Variants in RGMA observed in about 807,000 individuals in gnomAD.
RGMA encodes repulsive guidance molecule A.
In RGMA, 10 loss-of-function variants were observed where a neutral mutation model predicts 23.2. The ratio of observed to expected loss-of-function variants is 0.43; its 90% CI spans 0.27 to 0.73. RGMA has a LOEUF of 0.73. RGMA is among the 30% of genes least tolerant of loss of function. The probability of loss-of-function intolerance (pLI) is 0.20; values close to 1 mark genes in which losing one functional copy is unlikely to be tolerated. For missense variants in RGMA, 547 were observed against 630.5 expected, an observed-to-expected ratio of 0.87 and a Z score of 1.42; for synonymous variants, 308 against 279.3, an observed-to-expected ratio of 1.10 and a Z score of -1.03.
chr15:93,076,210 T>C (rs535423121), intron 1 of RGMA, among the ~76,000 whole-genome samples: 1 of 152,252 alleles, frequency 6.6e-6, no homozygotes, highest in South Asian at 2.1e-4. Context: ...CTCTTGCCCC[T>C]TTTCTTCAGC....
At chr15:93,049,583 G>A (rs2054884562) in intron 3 of RGMA, among the ~76,000 whole-genome samples, 1 of 152,208 alleles carries the variant, frequency 6.6e-6, no homozygotes. Context: ...AGAACAGAGG[G>A]ATTGGCTGAT....
chr15:93,042,201 C>G lies in RGMA; in HGVS notation c.*2797G>C, dbSNP rs911532691. The G allele has an allele frequency of 3.3e-5, 5 of 152,264 alleles. No homozygotes were observed. The highest frequency in any genetic ancestry group is 7.2e-5 in the African/African-American group (3 of 41,440). 9.4% of individuals were successfully genotyped at this position (152,264 alleles called of 1,614,324 possible). ...AAATAAAGTTCTCCTTTTTCTTCAG[C>G]CTTCCTGGTCTGCCTGGGATTAATG... On this transcript the variant is annotated 3_prime_UTR_variant, in exon 4 of 4. Transcript: ENST00000329082.
Position 93,088,983 on chromosome 15 carries a change from G to A in RGMA, c.-51C>T, listed in dbSNP as rs1895689587. ...GCGCTGGCGGGGCTGCGGGAGAAGAGGGGGTGTCGGGGCGCCGCTCGTCTG... is the reference window on the plus strand; with the variant it reads ...GCGCTGGCGGGGCTGCGGGAGAAGAAGGGGTGTCGGGGCGCCGCTCGTCTG... On this transcript the variant is annotated 5_prime_UTR_variant, in exon 1 of 4. Coordinates refer to ENST00000329082, the MANE Select transcript of RGMA (RefSeq NM_020211.3). 7.9e-7 allele frequency: 1 copy of A among 1,267,426 alleles called. No homozygotes were observed. Among genetic ancestry groups the A allele is most frequent in the Non-Finnish European group, 1.0e-6 (1 of 979,546 alleles). 78.5% of individuals were successfully genotyped at this position (1,267,426 alleles called of 1,614,324 possible). A position where few individuals can be genotyped will look rare whatever the true frequency, so the allele number is the denominator to read the frequency against.
At chr15:93,071,795 C>G (rs879359215) in intron 2 of RGMA, among the ~76,000 whole-genome samples, 6 of 152,220 alleles carry the variant, frequency 3.9e-5, no homozygotes, top group Non-Finnish European at 5.9e-5. Flanking sequence ...TCCTTTCTTG[C>G]AAAGCTCAGT....
chr15:93,054,310 T>C lies in RGMA; in HGVS notation c.131-1803A>G. On this transcript the variant is annotated intron_variant, in intron 2 of 3. Coordinates refer to ENST00000329082, the MANE Select transcript of RGMA (RefSeq NM_020211.3). ...TTTAAATTGAAGAAGTATACTCACT[T>C]AAAGGGTCAGGTTAGGTAAATGACA... Among the ~76,000 whole-genome samples the C allele has an allele frequency of 2.0e-5, 3 of 152,096 alleles. No individual in the cohort carries two copies. In the South Asian group the frequency reaches 6.2e-4, roughly 32 times the overall value.
At chr15:93,088,526 G>T in intron 1 of RGMA, 2 of 999,696 alleles carry the variant, frequency 2.0e-6, no homozygotes, top group Non-Finnish European at 2.4e-6. Flanking sequence ...AGCGGGAGGC[G>T]GGGGCCCGGG....
chr15:93,073,009 G>T lies in RGMA; in HGVS notation c.37C>A (p.Arg13=), dbSNP rs759362129. The T allele has an allele frequency of 1.9e-6, 3 of 1,610,034 alleles. No individual in the cohort carries two copies. The highest frequency in any genetic ancestry group is 2.2e-5 in the East Asian group (1 of 44,694). ...CTCCCCATACCCATCCATCCAGCTCGGCCTGTTACCACTAGCCTCTCCCTG... is the reference window on the plus strand; with the variant it reads ...CTCCCCATACCCATCCATCCAGCTCTGCCTGTTACCACTAGCCTCTCCCTG... ...PPRERLVVTG[R]AGWMGMGRGA... is the part of the protein sequence containing the mutation. The change falls in exon 2 of 4, where the codon CGA becomes AGA. Residue 13 remains arginine (R), a synonymous_variant. Coordinates refer to ENST00000329082, the MANE Select transcript of RGMA (RefSeq NM_020211.3).
intron 1 of RGMA, chr15:93,073,636 C>T: frequency 1.3e-6 from 2 of 1,537,172 alleles, no homozygotes; most frequent in South Asian, 2.4e-5. Context: ...AGACGCGACA[C>T]CGGTGCAGGA....
intron 1 of RGMA, among the ~76,000 whole-genome samples, chr15:93,084,359 A>C (rs1438903394): frequency 6.6e-6 from 1 of 152,254 alleles, no homozygotes; most frequent in Non-Finnish European, 1.5e-5. Context: ...CAAGGCATTC[A>C]TCAGCAAGGT....
In RGMA at chr15:93,089,138, G is replaced by C. The variant is rs900579246; in HGVS notation, c.-206C>G. On this transcript the variant is annotated 5_prime_UTR_variant, in exon 1 of 4. Transcript: ENST00000329082. ...CGAGCGCCTGGCGGAGCCGGCCCGGGAGCGAACGGCCAGTGCTTCCCCGGC... is the reference window on the plus strand; with the variant it reads ...CGAGCGCCTGGCGGAGCCGGCCCGGCAGCGAACGGCCAGTGCTTCCCCGGC... The C allele has an allele frequency of 3.0e-6, 1 of 333,634 alleles. No individual in the cohort carries two copies. Among genetic ancestry groups the C allele is most frequent in the African/African-American group, 2.2e-5 (1 of 46,176 alleles). The allele number at this position is 333,634 out of a possible 1,614,324, so 20.7% of individuals were successfully genotyped here.
At chr15:93,077,091 C>T (rs755175997) in intron 1 of RGMA, among the ~76,000 whole-genome samples, 54 of 152,276 alleles carry the variant, frequency 3.5e-4, no homozygotes, top group Admixed American at 3.3e-4. Flanking sequence ...ACACCCAGCA[C>T]GCCAGGAACA....
chr15:93,054,047 T>A (rs2054972066), intron 2 of RGMA, among the ~76,000 whole-genome samples: 1 of 151,942 alleles, frequency 6.6e-6, no homozygotes, highest in Admixed American at 6.6e-5. Flanking sequence ...CTGGCCAACA[T>A]GATGAAACCC....
chr15:93,058,216 A>T (rs2055045285), intron 2 of RGMA, among the ~76,000 whole-genome samples: 1 of 152,210 alleles, frequency 6.6e-6, no homozygotes. Flanking sequence ...TCGACAGGCA[A>T]CAGGTGAGAT....
rs185875119 is a variant in RGMA, at chr15:93,046,260, G to A, written c.646-555C>T. ...AGATTTGACTAACTAGGACAGAGGA[G>A]AAGGTGATGTGCTCAACAAGGCAGA... On this transcript the variant is annotated intron_variant, in intron 3 of 3. Coordinates refer to ENST00000329082, the MANE Select transcript of RGMA (RefSeq NM_020211.3). Among the ~76,000 whole-genome samples, 284 of 152,294 alleles carry A rather than the reference G, an allele frequency of 1.9e-3. 1 individual carries two copies. Among genetic ancestry groups the A allele is most frequent in the African/African-American group, 6.5e-3 (270 of 41,562 alleles).
In RGMA at chr15:93,067,424, A is replaced by G. The variant is rs560172837; in HGVS notation, c.130+5492T>C. On this transcript the variant is annotated intron_variant, in intron 2 of 3. Transcript: ENST00000329082. Reference sequence around the variant, plus strand: ...GTGGAGAAAAGAAGGGCATATAGAAACAGAAATGAGGTTCCTGCTTTTATA... The same window carrying G: ...GTGGAGAAAAGAAGGGCATATAGAAGCAGAAATGAGGTTCCTGCTTTTATA... Among the ~76,000 whole-genome samples, 67 of 152,308 alleles carry G rather than the reference A, an allele frequency of 4.4e-4. 1 individual carries two copies. The South Asian group carries it at 0.013, about 31-fold the overall frequency.
rs763432888 is a variant in RGMA, at chr15:93,052,012, G to A, written c.626C>T (p.Ala209Val). 74 of 1,605,776 alleles carry A rather than the reference G, an allele frequency of 4.6e-5. No homozygotes were observed. Among genetic ancestry groups the A allele is most frequent in the African/African-American group, 6.7e-5 (5 of 74,860 alleles). ...VTNTPVLPGS[A>V]ATATSKLTII... Reference sequence around the variant, plus strand: ...CCTTACCTTGCTGGTGGCAGTGGCCGCTGAGCCGGGCAGCACAGGCGTGTT... The same window carrying A: ...CCTTACCTTGCTGGTGGCAGTGGCCACTGAGCCGGGCAGCACAGGCGTGTT... The change falls in exon 3 of 4, where the codon GCG (alanine) becomes GTG (valine). Residue 209 changes from alanine (A) to valine (V), a missense_variant. Physicochemically the swap from Ala to Val is moderately conservative, Grantham distance 64. Coordinates refer to ENST00000329082, the MANE Select transcript of RGMA (RefSeq NM_020211.3).
At chr15:93,085,877 T>C (rs545822597) in intron 1 of RGMA, among the ~76,000 whole-genome samples, 48 of 152,202 alleles carry the variant, frequency 3.2e-4, no homozygotes, top group Non-Finnish European at 6.3e-4. Context: ...TAGAGTTCAT[T>C]TGTTCATCTG....
At chr15:93,083,323 G>A (rs1895587690) in intron 1 of RGMA, among the ~76,000 whole-genome samples, 1 of 152,032 alleles carries the variant, frequency 6.6e-6, no homozygotes, top group African/African-American at 2.4e-5. Flanking sequence ...AGGAAAGCAA[G>A]AGAAGCTTTT....
intron 3 of RGMA, among the ~76,000 whole-genome samples, chr15:93,048,652 G>A (rs1187948276): frequency 6.6e-6 from 1 of 152,172 alleles, no homozygotes; most frequent in Non-Finnish European, 1.5e-5. Context: ...GGAGCCCTAA[G>A]CCTCGAACCT....
Sources: allele counts gnomAD v4.1 joint callset (sites outside exome capture counted in the v4.1 genomes callset), GRCh38; gene constraint gnomAD v4.1.1; transcripts MANE v1.5; gene names NCBI Gene and HGNC (gene_info 2026-07-23, HGNC 2026-07-21).